Variants in PCDHGA10 observed in about 807,000 individuals in gnomAD.
The protein encoded by PCDHGA10 is protocadherin gamma subfamily A, 10, also known as protocadherin gamma-A10.
A neutral mutation model predicts 59.5 loss-of-function variants in PCDHGA10; 42 were observed. The ratio of observed to expected loss-of-function variants is 0.71; its 90% CI spans 0.55 to 0.91. The LOEUF (loss-of-function observed/expected upper bound fraction) is 0.91. Among genes scored for constraint, PCDHGA10 ranks in the 40% least tolerant of loss-of-function variants. The pLI, the probability that PCDHGA10 is intolerant of heterozygous loss-of-function variation, is 0.00. For synonymous variants in PCDHGA10, 511 were observed against 517.2 expected (o/e 0.99, Z 0.16); for missense variants, 1,111 against 1,198.2 (o/e 0.93, Z 1.07).
chr5:141,418,883 G>A (rs376245268), intron 1 of PCDHGA10: 5 of 1,613,960 alleles, frequency 3.1e-6, no homozygotes, highest in East Asian at 2.2e-5. Flanking sequence ...AGACGAAAAC[G>A]ACAACAGCCC....
At position 141,491,448 on chromosome 5, in the gene PCDHGA10, A is replaced by G; in HGVS notation, c.2437-3359A>G. ...GGCAGTGCTGCAGGCGCCAGGACTC[A>G]CCCTCCCCGGACTTCTATAAGCAGT... On this transcript the variant is annotated intron_variant, in intron 1 of 3. Coordinates refer to ENST00000398610, the MANE Select transcript of PCDHGA10 (RefSeq NM_018913.3). The surrounding 1 kb of genome is among the most constrained non-coding windows in gnomAD (Gnocchi z 6.9). The G allele has an allele frequency of 6.2e-7, 1 of 1,613,792 alleles. No homozygotes were observed. The highest frequency in any genetic ancestry group is 8.5e-7 in the Non-Finnish European group (1 of 1,179,986).
chr5:141,449,724 A>AT (rs911465424), intron 1 of PCDHGA10, among the ~76,000 whole-genome samples: 1 of 151,176 alleles, frequency 6.6e-6, no homozygotes, highest in African/African-American at 2.4e-5. Context: ...ATATGATATG[A>AT]TTTTTTTATG....
At chr5:141,506,898 T>C (rs2099857040) in intron 3 of PCDHGA10, among the ~76,000 whole-genome samples, 1 of 152,260 alleles carries the variant, frequency 6.6e-6, no homozygotes, top group East Asian at 1.9e-4. Context: ...AGAAGCACTG[T>C]CATCACACCT....
intron 1 of PCDHGA10, among the ~76,000 whole-genome samples, chr5:141,461,267 T>C (rs2099012147): frequency 6.6e-6 from 1 of 152,140 alleles, no homozygotes; most frequent in Admixed American, 6.6e-5. Flanking sequence ...AATGTGTAAG[T>C]GTTCTCTTTT....
intron 1 of PCDHGA10, chr5:141,422,216 C>T (rs1241784107): frequency 6.4e-7 from 1 of 1,563,862 alleles, no homozygotes; most frequent in African/African-American, 1.4e-5. Flanking sequence ...GGTCTCTTTA[C>T]CACCACGACG....
Position 141,489,075 on chromosome 5 carries a change from C to A in PCDHGA10, c.2437-5732C>A. The A allele has an allele frequency of 3.1e-6, 1 of 324,814 alleles. No individual in the cohort carries two copies. The highest frequency in any genetic ancestry group is 5.5e-6 in the Non-Finnish European group (1 of 180,380). The allele number at this position is 324,814 out of a possible 1,614,324, so 20.1% of individuals were successfully genotyped here. A position where few individuals can be genotyped will look rare whatever the true frequency, so the allele number is the denominator to read the frequency against. ...TCAGCTCCCCTCCCCCCTGCCCACCCCCGCCACTCGGTGACTAAGAACTGC... is the reference window on the plus strand; with the variant it reads ...TCAGCTCCCCTCCCCCCTGCCCACCACCGCCACTCGGTGACTAAGAACTGC... On this transcript the variant is annotated intron_variant, in intron 1 of 3. Coordinates refer to ENST00000398610, the MANE Select transcript of PCDHGA10 (RefSeq NM_018913.3). The surrounding 1 kb of genome is among the most constrained non-coding windows in gnomAD (Gnocchi z 4.5).
chr5:141,484,944 AG>A (rs1354711871), intron 1 of PCDHGA10: 1 of 546,450 alleles, frequency 1.8e-6, no homozygotes, highest in Non-Finnish European at 3.3e-6. Context: ...TTCTCTGCTC[AG>A]CCTATTGGCT....
Position 141,431,500 on chromosome 5 carries a change from C to T in PCDHGA10, c.2436+15889C>T, listed in dbSNP as rs903027252. On this transcript the variant is annotated intron_variant, in intron 1 of 3. Transcript: ENST00000398610. This position sits in a 1 kb window ranked among gnomAD's most constrained non-coding sequence, Gnocchi z 4.8. ...CACCAGCGTTTGCTCAGCCCGAGTACCGCGCGAGCGTTCCGGAGAATCTGG... is the reference window on the plus strand; with the variant it reads ...CACCAGCGTTTGCTCAGCCCGAGTATCGCGCGAGCGTTCCGGAGAATCTGG... The T allele has an allele frequency of 4.4e-5, 71 of 1,613,894 alleles. No individual in the cohort carries two copies. The highest frequency in any genetic ancestry group is 5.9e-5 in the Non-Finnish European group (70 of 1,180,050).
At chr5:141,439,898 C>A (rs1428014089) in intron 1 of PCDHGA10, 2 of 152,344 alleles carry the variant, frequency 1.3e-5, no homozygotes, top group African/African-American at 4.8e-5. Flanking sequence ...ACCAAGGCGA[C>A]TACTGCCTCC....
intron 1 of PCDHGA10, among the ~76,000 whole-genome samples, chr5:141,450,424 CTTTAA>C (rs2098679800): frequency 1.3e-5 from 2 of 152,146 alleles, no homozygotes; most frequent in East Asian, 3.9e-4. Context: ...TGTATAATGC[CTTTAA>C]TTTATATTTG....
At chr5:141,497,807 T>G (rs2099779585) in intron 2 of PCDHGA10, among the ~76,000 whole-genome samples, 1 of 152,210 alleles carries the variant, frequency 6.6e-6, no homozygotes, top group African/African-American at 2.4e-5. Context: ...CCCAAAGTGC[T>G]AGAATTACAG....
intron 1 of PCDHGA10, among the ~76,000 whole-genome samples, chr5:141,453,061 T>G (rs1351911724): frequency 6.6e-6 from 1 of 152,102 alleles, no homozygotes; most frequent in Non-Finnish European, 1.5e-5. Context: ...AGTTTTAGAG[T>G]TTTGCCACAC....
intron 1 of PCDHGA10, chr5:141,426,648 A>G (rs1224402025): frequency 2.4e-6 from 1 of 418,088 alleles, no homozygotes; most frequent in Non-Finnish European, 4.9e-6. Flanking sequence ...AAATGTGATG[A>G]TAGAAGATAT....
intron 1 of PCDHGA10, 129 bp downstream of exon 1, chr5:141,415,740 G>GTTTTTTTT (rs57426385): frequency 1.3e-4 from 79 of 625,006 alleles, no homozygotes; most frequent in African/African-American, 1.8e-4. Flanking sequence ...GTTTATTAAG[G>GTTTTTTTT]TTTTTTTTTT....
chr5:141,492,553 G>C (rs1184580300), intron 1 of PCDHGA10, among the ~76,000 whole-genome samples: 1 of 152,148 alleles, frequency 6.6e-6, no homozygotes, highest in Non-Finnish European at 1.5e-5. Flanking sequence ...CGGGTCGCCT[G>C]GGGGGCGGCC....
Position 141,420,738 on chromosome 5 carries a change from T to C in PCDHGA10, c.2436+5127T>C, listed in dbSNP as rs550966989. 1.5e-4 allele frequency among the ~76,000 whole-genome samples: 23 copies of C among 152,358 alleles called. 1 individual carries two copies. In the South Asian group the frequency reaches 4.6e-3, roughly 30 times the overall value. ...GTTCCTTTCAGTCGGTTAAAATCAA[T>C]TGGAACCAACTACAACCTACAAGTT... On this transcript the variant is annotated intron_variant, in intron 1 of 3. Transcript: ENST00000398610.
At chr5:141,474,912 C>T (rs1018411233) in intron 1 of PCDHGA10, among the ~76,000 whole-genome samples, 6 of 152,214 alleles carry the variant, frequency 3.9e-5, no homozygotes, top group African/African-American at 1.2e-4. Flanking sequence ...CAAGGATATA[C>T]ATCTCATCTC....
Position 141,500,251 on chromosome 5 carries a change from C to T in PCDHGA10, c.2496-5142C>T, listed in dbSNP as rs187199142. Among the ~76,000 whole-genome samples, 1,493 of 151,438 alleles carry T rather than the reference C, an allele frequency of 9.9e-3. 32 individuals are homozygous for T. Among genetic ancestry groups the T allele is most frequent in the African/African-American group, 0.035 (1,426 of 41,214 alleles). Reference sequence around the variant, plus strand: ...TGATACGTAGCCTTGCTCTGTCACCCAGGCTGGACTGCAGTGGCGCAATCT... The same window carrying T: ...TGATACGTAGCCTTGCTCTGTCACCTAGGCTGGACTGCAGTGGCGCAATCT... On this transcript the variant is annotated intron_variant, in intron 2 of 3. Coordinates refer to ENST00000398610, the MANE Select transcript of PCDHGA10 (RefSeq NM_018913.3).
intron 1 of PCDHGA10, among the ~76,000 whole-genome samples, chr5:141,438,579 CATACATACATACAT>C (rs1434774868): frequency 9.0e-5 from 5 of 55,782 alleles, no homozygotes; most frequent in Admixed American, 2.8e-4. Context: ...GATATACATA[CATACATACATACAT>C]ATATATATAT....
Sources: allele counts gnomAD v4.1 joint callset (sites outside exome capture counted in the v4.1 genomes callset), GRCh38; gene constraint gnomAD v4.1.1; non-coding constraint Gnocchi (gnomAD v3.1); transcripts MANE v1.5; gene names NCBI Gene and HGNC (gene_info 2026-07-23, HGNC 2026-07-21).